Variants in ZNF143 observed in about 807,000 individuals in gnomAD.
The protein encoded by ZNF143 is zinc finger protein 143.
In ZNF143, 49 loss-of-function variants were observed where a neutral mutation model predicts 74.1. The ratio of observed to expected loss-of-function variants is 0.66; its 90% CI spans 0.53 to 0.84. ZNF143 has a LOEUF of 0.84. Ranked by LOEUF, ZNF143 falls within the 40% of genes least tolerant of loss-of-function variation. ZNF143 has a pLI of 0.00. For missense variants in ZNF143, 637 were observed against 793.4 expected (o/e 0.80, Z 2.37); for synonymous variants, 304 against 282.8 (o/e 1.07, Z -0.75).
At chr11:9,503,023 G>T (rs1341617224) in intron 11 of ZNF143, among the ~76,000 whole-genome samples, 1 of 152,080 alleles carries the variant, frequency 6.6e-6, no homozygotes, top group East Asian at 1.9e-4. Flanking sequence ...AGTAGAGACG[G>T]GGTTTCACTG....
In ZNF143 at chr11:9,512,432, CATTT is replaced by C; in HGVS notation, c.1376-15_1376-12del. On this transcript the variant is annotated splice_polypyrimidine_tract_variant and intron_variant, in intron 12 of 15. Transcript: ENST00000396602. ...TGGTTGGTTGGTCAAATAAATGATT[CATTT>C]GTTTTAAACAGGTCAAGGTGAAGAT... 1 of 1,597,250 alleles carries C rather than the reference CATTT, an allele frequency of 6.3e-7. No homozygotes were observed. Among genetic ancestry groups the C allele is most frequent in the Non-Finnish European group, 8.6e-7 (1 of 1,169,214 alleles).
At chr11:9,506,039 T>G (rs766507480) in intron 11 of ZNF143, among the ~76,000 whole-genome samples, 1 of 151,992 alleles carries the variant, frequency 6.6e-6, no homozygotes, top group Non-Finnish European at 1.5e-5. Context: ...TAATGGAATA[T>G]AGATAGAGCT....
At chr11:9,482,129 C>G (rs1847265776) in intron 7 of ZNF143, among the ~76,000 whole-genome samples, 1 of 147,308 alleles carries the variant, frequency 6.8e-6, no homozygotes, top group Admixed American at 6.9e-5. Flanking sequence ...CGCCACCACG[C>G]CCGGCTAATT....
intron 15 of ZNF143, among the ~76,000 whole-genome samples, chr11:9,526,987 G>A (rs1849153168): frequency 6.6e-6 from 1 of 152,024 alleles, no homozygotes; most frequent in African/African-American, 2.4e-5. Flanking sequence ...ACCACGCCCA[G>A]CAATTTTTTT....
chr11:9,474,738 T>C (rs1856781071), intron 5 of ZNF143, 105 bp downstream of exon 5: 1 of 1,163,946 alleles, frequency 8.6e-7, no homozygotes, highest in Non-Finnish European at 1.2e-6. Context: ...GAAAGAATTG[T>C]ATTTATTCAT....
intron 14 of ZNF143, among the ~76,000 whole-genome samples, chr11:9,524,950 T>C (rs911850364): frequency 6.6e-6 from 1 of 152,140 alleles, no homozygotes. Context: ...CACTTAGGGG[T>C]AATAGAATCT....
Position 9,487,780 on chromosome 11 carries a change from A to G in ZNF143, c.646-6866A>G, listed in dbSNP as rs988572506. ...TGTTAGCTTCAAAATTGCCCTTGAG[A>G]GTTTTCACTTGTGATGACATATCAG... is the stretch of plus-strand genomic sequence containing the variant. On this transcript the variant is annotated intron_variant, in intron 7 of 15. Coordinates refer to ENST00000396602, the MANE Select transcript of ZNF143 (RefSeq NM_003442.6). 4.6e-5 allele frequency among the ~76,000 whole-genome samples: 7 copies of G among 152,326 alleles called. No homozygotes were observed. In the East Asian group the frequency reaches 1.2e-3, roughly 25 times the overall value.
At chr11:9,494,181 T>C (rs1847880077) in intron 7 of ZNF143, among the ~76,000 whole-genome samples, 1 of 152,226 alleles carries the variant, frequency 6.6e-6, no homozygotes, top group African/African-American at 2.4e-5. Flanking sequence ...GCAATGGAAT[T>C]AACCTGACCG....
intron 10 of ZNF143, among the ~76,000 whole-genome samples, chr11:9,499,883 G>T (rs541195367): frequency 6.6e-6 from 1 of 152,152 alleles, no homozygotes; most frequent in Non-Finnish European, 1.5e-5. Context: ...CAGTTTAAAG[G>T]CCTTTCGTAT....
At chr11:9,527,453 C>T (rs1327083753) in intron 15 of ZNF143, 77 bp from the exon 16 acceptor site, 2 of 1,330,058 alleles carry the variant, frequency 1.5e-6, no homozygotes, top group African/African-American at 1.4e-5. Context: ...TCACTTCTGG[C>T]ATATAACATT....
chr11:9,515,862 A>G (rs1314725898), intron 13 of ZNF143, among the ~76,000 whole-genome samples: 2 of 151,278 alleles, frequency 1.3e-5, no homozygotes, highest in African/African-American at 2.4e-5. Context: ...GGTCATGCCT[A>G]TAGTCAGAGC....
chr11:9,467,495 C>G (rs1011492273), intron 1 of ZNF143, among the ~76,000 whole-genome samples: 1 of 152,006 alleles, frequency 6.6e-6, no homozygotes, highest in Non-Finnish European at 1.5e-5. Context: ...CTCAGCCTTT[C>G]AAAGTGCTGG....
At chr11:9,468,911 A>T (rs1416774881) in intron 1 of ZNF143, among the ~76,000 whole-genome samples, 2 of 152,096 alleles carry the variant, frequency 1.3e-5, no homozygotes, top group Admixed American at 6.6e-5. Flanking sequence ...AGGCATGCAG[A>T]TCACTTGAGG....
chr11:9,516,138 T>C, intron 13 of ZNF143, 63 bp from the exon 14 acceptor site: 2 of 1,548,344 alleles, frequency 1.3e-6, no homozygotes, highest in Admixed American at 1.7e-5. Flanking sequence ...TCCTGGTCCT[T>C]ATGGAAGATT....
At position 9,476,746 on chromosome 11, in the gene ZNF143, C is replaced by CTTTTTTTTTTTT. The variant is rs869069237; in HGVS notation, c.374-1624_374-1613dup. 1.7e-3 allele frequency among the ~76,000 whole-genome samples: 60 copies of CTTTTTTTTTTTT among 34,856 alleles called. 18 individuals are homozygous for CTTTTTTTTTTTT. The highest frequency in any genetic ancestry group is 2.8e-3 in the Non-Finnish European group (53 of 18,728). 22.9% of individuals were successfully genotyped at this position (34,856 alleles called of 152,430 possible). On this transcript the variant is annotated intron_variant, in intron 5 of 15. Coordinates refer to ENST00000396602, the MANE Select transcript of ZNF143 (RefSeq NM_003442.6). Reference sequence around the variant, plus strand: ...TTGTTGTGAAGCCAAAGGGAGGAATCTTTTTTTTTTTTTTTTTTTTTTTTT... The same window carrying CTTTTTTTTTTTT: ...TTGTTGTGAAGCCAAAGGGAGGAATCTTTTTTTTTTTTTTTTTTTTTTTTTTTTTTTTTTTTT...
At chr11:9,495,173 G>T (rs1337906637) in intron 8 of ZNF143, among the ~76,000 whole-genome samples, 1 of 152,190 alleles carries the variant, frequency 6.6e-6, no homozygotes, top group Admixed American at 6.5e-5. Context: ...GCTGGGCGTG[G>T]TGGCTCATGC....
chr11:9,486,159 C>A (rs1193363802), intron 7 of ZNF143, among the ~76,000 whole-genome samples: 1 of 147,594 alleles, frequency 6.8e-6, no homozygotes, highest in Non-Finnish European at 1.5e-5. Context: ...GCCATGGGGG[C>A]CAATTAGACA....
At chr11:9,486,553 A>T (rs778741627) in intron 7 of ZNF143, among the ~76,000 whole-genome samples, 1 of 134,350 alleles carries the variant, frequency 7.4e-6, no homozygotes, top group Non-Finnish European at 1.5e-5. Context: ...CAGCAGCTCC[A>T]GTTCCTTTTT....
intron 7 of ZNF143, among the ~76,000 whole-genome samples, chr11:9,493,497 A>T (rs1029679693): frequency 3.9e-5 from 6 of 152,210 alleles, no homozygotes; most frequent in African/African-American, 1.4e-4. Flanking sequence ...TAACAATTAC[A>T]CTGAGATCTC....
Sources: gnomAD v4.1 joint callset for allele counts (sites outside exome capture counted in the v4.1 genomes callset) on GRCh38, gnomAD v4.1.1 for gene constraint, MANE v1.5 for transcripts, NCBI Gene and HGNC (gene_info 2026-07-23, HGNC 2026-07-21) for gene names.